ANKIB1: variants seen among roughly 807,000 people sequenced by gnomAD.
ANKIB1 encodes the protein ankyrin repeat and IBR domain containing 1, also known as ankyrin repeat and IBR domain-containing protein 1.
ANKIB1 carries 43 observed loss-of-function variants against 122.1 expected under a neutral mutation model. The observed-to-expected ratio is 0.35, with a 90% confidence interval of 0.28 to 0.45. The LOEUF (loss-of-function observed/expected upper bound fraction) is 0.45. Among genes scored for constraint, ANKIB1 ranks in the 20% least tolerant of loss-of-function variants. The pLI is 1.00. For missense variants in ANKIB1, 992 were observed against 1,329.5 expected, an observed-to-expected ratio of 0.75 and a Z score of 3.95; for synonymous variants, 390 against 442.0, an observed-to-expected ratio of 0.88 and a Z score of 1.48.
intron 5 of ANKIB1, among the ~76,000 whole-genome samples, chr7:92,342,497 AT>A (rs1237916702): frequency 2.0e-5 from 3 of 152,160 alleles, no homozygotes. Flanking sequence ...TTTATACCTA[AT>A]TCACTAAAAC....
intron 11 of ANKIB1, among the ~76,000 whole-genome samples, chr7:92,371,950 G>GGTGTGTGTGTGT (rs55936298): frequency 3.1e-4 from 37 of 118,146 alleles, no homozygotes; most frequent in East Asian, 1.1e-3. Context: ...TTGAGAGAGG[G>GGTGTGTGTGTGT]GTGTGTGTGT....
intron 11 of ANKIB1, among the ~76,000 whole-genome samples, chr7:92,382,770 G>A (rs1277439916): frequency 3.9e-5 from 6 of 152,108 alleles, no homozygotes; most frequent in Non-Finnish European, 1.5e-5. Context: ...AGCACTAAAT[G>A]CCCACAAGAG....
chr7:92,275,705 C>G (rs1487097238), intron 1 of ANKIB1, among the ~76,000 whole-genome samples: 1 of 152,046 alleles, frequency 6.6e-6, no homozygotes, highest in Non-Finnish European at 1.5e-5. Flanking sequence ...AACTAAATGG[C>G]GAGACCTCCC....
At chr7:92,267,578 T>C (rs1801699589) in intron 1 of ANKIB1, among the ~76,000 whole-genome samples, 1 of 152,230 alleles carries the variant, frequency 6.6e-6, no homozygotes, top group African/African-American at 2.4e-5. Flanking sequence ...TATCTTTGTT[T>C]ACACTGTGAT....
At position 92,399,622 on chromosome 7, in the gene ANKIB1, G is replaced by A. The variant is rs148259978; in HGVS notation, c.*673G>A. On this transcript the variant is annotated 3_prime_UTR_variant, in exon 20 of 20. Transcript: ENST00000265742. ...GTGCAGCATCCTAGAGTGCTCCAGG[G>A]CAGTGTCAGCGTTCTCGGGAGTAAA... 3 of 152,268 alleles carry A rather than the reference G, an allele frequency of 2.0e-5. No homozygotes were observed. Among genetic ancestry groups the A allele is most frequent in the Non-Finnish European group, 4.4e-5 (3 of 68,030 alleles). 9.4% of individuals were successfully genotyped at this position (152,268 alleles called of 1,614,324 possible). A position where few individuals can be genotyped will look rare whatever the true frequency, so the allele number is the denominator to read the frequency against.
At chr7:92,385,834 A>T (rs1585138269) in intron 11 of ANKIB1, among the ~76,000 whole-genome samples, 1 of 152,262 alleles carries the variant, frequency 6.6e-6, no homozygotes. Context: ...TACATATGTG[A>T]CAAGCCTGCA....
At chr7:92,289,625 G>A (rs185840403) in intron 1 of ANKIB1, among the ~76,000 whole-genome samples, 3 of 152,126 alleles carry the variant, frequency 2.0e-5, no homozygotes, top group Admixed American at 6.5e-5. Context: ...CTCTGGCCTC[G>A]TTCCCCTTAA....
intron 1 of ANKIB1, among the ~76,000 whole-genome samples, chr7:92,275,909 T>C (rs1458322699): frequency 6.6e-6 from 1 of 152,186 alleles, no homozygotes; most frequent in African/African-American, 2.4e-5. Flanking sequence ...GGAGTTATCC[T>C]AGGATAATAT....
chr7:92,260,763 C>T (rs1175559637), intron 1 of ANKIB1, among the ~76,000 whole-genome samples: 10 of 151,512 alleles, frequency 6.6e-5, no homozygotes, highest in East Asian at 5.8e-4. Flanking sequence ...ACTCTCCTTG[C>T]TGGCTTTATT....
intron 1 of ANKIB1, among the ~76,000 whole-genome samples, chr7:92,280,059 A>G (rs937235785): frequency 2.0e-5 from 3 of 152,214 alleles, no homozygotes; most frequent in African/African-American, 4.8e-5. Flanking sequence ...ATCATCAGCT[A>G]TGGAGACTTA....
intron 11 of ANKIB1, among the ~76,000 whole-genome samples, chr7:92,377,246 G>A (rs151193555): frequency 2.0e-5 from 3 of 152,140 alleles, no homozygotes; most frequent in East Asian, 3.9e-4. Flanking sequence ...TGTGTCTTAG[G>A]AAATAGGGAA....
intron 7 of ANKIB1, among the ~76,000 whole-genome samples, chr7:92,345,828 G>A (rs1198555749): frequency 6.6e-6 from 1 of 151,618 alleles, no homozygotes. Context: ...GTATCAGTTA[G>A]CAAGTGTAGG....
rs932427766 is a variant in ANKIB1, at chr7:92,246,007, C to T, written c.-603C>T. On this transcript the variant is annotated 5_prime_UTR_variant, in exon 1 of 20. Transcript: ENST00000265742. The stretch of plus-strand genomic sequence containing the variant: ...GGCCGGGCTGCTGCCGTTCCTGCTC[C>T]TTTTCACTGGACCTGCAGTCTCTCA... The T allele has an allele frequency of 3.7e-5, 9 of 245,378 alleles. No homozygotes were observed. The highest frequency in any genetic ancestry group is 5.6e-5 in the Non-Finnish European group (7 of 125,254). The allele number at this position is 245,378 out of a possible 1,614,324, so 15.2% of individuals were successfully genotyped here. A position where few individuals can be genotyped will look rare whatever the true frequency, so the allele number is the denominator to read the frequency against.
chr7:92,356,466 C>T (rs1477400086), intron 9 of ANKIB1, among the ~76,000 whole-genome samples: 1 of 152,172 alleles, frequency 6.6e-6, no homozygotes, highest in Non-Finnish European at 1.5e-5. Context: ...TTTGGCAGTT[C>T]AATCATAAGA....
chr7:92,367,220 C>G (rs572384935), intron 10 of ANKIB1, among the ~76,000 whole-genome samples: 11 of 152,098 alleles, frequency 7.2e-5, no homozygotes, highest in Non-Finnish European at 1.5e-4. Context: ...GAGAAGGAAC[C>G]AAGCCAAGGC....
At chr7:92,246,799 G>T (rs1801079016) in intron 1 of ANKIB1, among the ~76,000 whole-genome samples, 1 of 152,114 alleles carries the variant, frequency 6.6e-6, no homozygotes, top group South Asian at 2.1e-4. Context: ...GTCCTCAAAG[G>T]ATCTGTGTCC....
intron 1 of ANKIB1, among the ~76,000 whole-genome samples, chr7:92,282,415 A>G (rs1056492049): frequency 6.6e-6 from 1 of 152,198 alleles, no homozygotes; most frequent in Admixed American, 6.5e-5. Flanking sequence ...AAGTGCTGAG[A>G]TAACAGGCAT....
chr7:92,337,596 T>C (rs1286134822), intron 5 of ANKIB1, among the ~76,000 whole-genome samples: 1 of 152,228 alleles, frequency 6.6e-6, no homozygotes, highest in Non-Finnish European at 1.5e-5. Flanking sequence ...TGACATTTTA[T>C]GTATATTTTG....
At chr7:92,373,043 A>T (rs78271763) in intron 11 of ANKIB1, among the ~76,000 whole-genome samples, 1 of 152,314 alleles carries the variant, frequency 6.6e-6, no homozygotes, top group East Asian at 1.9e-4. Context: ...AATAATTTTT[A>T]TAAGTCTGTA....
Sources: gnomAD v4.1 joint callset for allele counts (sites outside exome capture counted in the v4.1 genomes callset) on GRCh38, gnomAD v4.1.1 for gene constraint, MANE v1.5 for transcripts, NCBI Gene and HGNC (gene_info 2026-07-23, HGNC 2026-07-21) for gene names.